The following MYO1D variants were observed in gnomAD, a reference collection of about 807,000 sequenced individuals.
The protein encoded by MYO1D is myosin ID, also known as unconventional myosin-Id.
A neutral mutation model predicts 122.0 loss-of-function variants in MYO1D; 83 were observed. That is an observed-to-expected ratio of 0.68 (90% CI 0.57 to 0.82). The LOEUF (loss-of-function observed/expected upper bound fraction) is 0.82, where lower values mean the gene tolerates loss of function less well. Ranked by LOEUF, MYO1D falls within the 40% of genes least tolerant of loss-of-function variation. The pLI is 0.00. For synonymous variants in MYO1D, 464 were observed against 446.9 expected, an observed-to-expected ratio of 1.04 and a Z score of -0.48; for missense variants, 1,157 against 1,269.5, an observed-to-expected ratio of 0.91 and a Z score of 1.35.
At chr17:32,806,915 C>G (rs2090518930) in intron 1 of MYO1D, among the ~76,000 whole-genome samples, 1 of 152,140 alleles carries the variant, frequency 6.6e-6, no homozygotes, top group African/African-American at 2.4e-5. Context: ...TCCTATTTTA[C>G]AAAACTGGCA....
intron 19 of MYO1D, among the ~76,000 whole-genome samples, chr17:32,639,601 G>A (rs1031271193): frequency 2.0e-5 from 3 of 151,990 alleles, no homozygotes; most frequent in African/African-American, 2.4e-5. Context: ...AGTGGCTCAA[G>A]CAGTGACTCA....
rs35514290 is a variant in MYO1D, at chr17:32,649,567, C to CT, written c.2595+4275dup. 4.3e-3 allele frequency among the ~76,000 whole-genome samples: 404 copies of CT among 94,012 alleles called. 4 individuals carry two copies. The highest frequency in any genetic ancestry group is 9.1e-3 in the African/African-American group (207 of 22,676). 61.7% of individuals were successfully genotyped at this position (94,012 alleles called of 152,430 possible). ...TGGCTAAACCACATTTTCTTTCTTT[C>CT]TTTTTTTTTTTTTTTTTTTTTTGAG... On this transcript the variant is annotated intron_variant, in intron 19 of 21. Coordinates refer to ENST00000318217, the MANE Select transcript of MYO1D (RefSeq NM_015194.3).
intron 19 of MYO1D, among the ~76,000 whole-genome samples, chr17:32,643,758 G>A (rs186997559): frequency 2.8e-3 from 428 of 151,966 alleles, no homozygotes; most frequent in Middle Eastern, 6.8e-3. Flanking sequence ...TGTGGGATCG[G>A]TGGTGATATC....
intron 21 of MYO1D, among the ~76,000 whole-genome samples, chr17:32,552,876 T>G (rs115312789): frequency 0.011 from 1,638 of 151,956 alleles, 21 homozygotes; most frequent in African/African-American, 0.035. Flanking sequence ...CCAAGTAAAT[T>G]AAAACCAACA....
intron 1 of MYO1D, among the ~76,000 whole-genome samples, chr17:32,807,858 C>T (rs1373955744): frequency 2.0e-5 from 3 of 152,162 alleles, no homozygotes; most frequent in Non-Finnish European, 4.4e-5. Flanking sequence ...CTAGCATAAC[C>T]TACCCTATCT....
chr17:32,704,910 A>C (rs1199207296), intron 16 of MYO1D, among the ~76,000 whole-genome samples: 1 of 152,118 alleles, frequency 6.6e-6, no homozygotes, highest in African/African-American at 2.4e-5. Context: ...ATAAAATAAC[A>C]TATTTTAAAT....
chr17:32,572,021 C>G (rs113119316), intron 21 of MYO1D, among the ~76,000 whole-genome samples: 99 of 152,252 alleles, frequency 6.5e-4, no homozygotes, highest in African/African-American at 2.3e-3. Context: ...CCACTGACTT[C>G]CTTTTACAAC....
chr17:32,677,791 A>G (rs1440922507), intron 16 of MYO1D, among the ~76,000 whole-genome samples: 1 of 152,098 alleles, frequency 6.6e-6, no homozygotes, highest in African/African-American at 2.4e-5. Context: ...TTTCAAACGA[A>G]CACAAGCATT....
chr17:32,755,727 G>A (rs2089941081), intron 10 of MYO1D, 65 bp from the exon 11 acceptor site: 38 of 1,413,950 alleles, frequency 2.7e-5, no homozygotes, highest in Non-Finnish European at 3.7e-5. Flanking sequence ...AAACCCTGAT[G>A]CTCCCATTTG....
intron 21 of MYO1D, among the ~76,000 whole-genome samples, chr17:32,582,735 T>C (rs1342402562): frequency 1.3e-5 from 2 of 152,334 alleles, no homozygotes; most frequent in South Asian, 2.1e-4. Flanking sequence ...CTATCAATTA[T>C]GGAGACAGAA....
intron 16 of MYO1D, among the ~76,000 whole-genome samples, chr17:32,689,694 G>A (rs1053149224): frequency 2.0e-5 from 3 of 151,614 alleles, no homozygotes; most frequent in Non-Finnish European, 2.9e-5. Context: ...TTAAAATATC[G>A]TCATTATTAA....
chr17:32,839,574 T>C (rs780578772), intron 1 of MYO1D, among the ~76,000 whole-genome samples: 3 of 152,172 alleles, frequency 2.0e-5, no homozygotes, highest in South Asian at 2.1e-4. Context: ...GGACAGCAAG[T>C]TGAAGGTAAG....
chr17:32,867,053 C>T (rs2091131868), intron 1 of MYO1D, among the ~76,000 whole-genome samples: 1 of 152,112 alleles, frequency 6.6e-6, no homozygotes, highest in Non-Finnish European at 1.5e-5. Flanking sequence ...GATTCCTTCT[C>T]TGTAGGAAGC....
chr17:32,835,262 A>C lies in MYO1D; in HGVS notation c.95+41516T>G, dbSNP rs1017203277. The stretch of plus-strand genomic sequence containing the variant: ...CCATTAATCCATTATTCAATACTCA[A>C]CTAAAATGTTACCCCTTCTGTGAAG... On this transcript the variant is annotated intron_variant, in intron 1 of 21. Transcript: ENST00000318217. Among the ~76,000 whole-genome samples the C allele has an allele frequency of 5.0e-4, 76 of 151,474 alleles. 1 individual carries two copies. The highest frequency in any genetic ancestry group is 4.9e-3 in the Admixed American group (75 of 15,216).
intron 1 of MYO1D, among the ~76,000 whole-genome samples, chr17:32,828,409 G>C (rs982961417): frequency 1.3e-5 from 2 of 151,262 alleles, no homozygotes; most frequent in African/African-American, 2.4e-5. Flanking sequence ...CCAGCTACTC[G>C]GGAGGCTGAG....
Position 32,817,246 on chromosome 17 carries a change from A to T in MYO1D, c.96-36462T>A, listed in dbSNP as rs555745992. Among the ~76,000 whole-genome samples, 64 of 152,322 alleles carry T rather than the reference A, an allele frequency of 4.2e-4. No homozygotes were observed. In the South Asian group the frequency reaches 0.013, roughly 31 times the overall value. ...GCCTGGCTAACAGTAATGTTACAAG[A>T]ATACATTAGCAATCTACAAATTTTA... On this transcript the variant is annotated intron_variant, in intron 1 of 21. Coordinates refer to ENST00000318217, the MANE Select transcript of MYO1D (RefSeq NM_015194.3).
At chr17:32,707,760 T>A (rs1324354251) in intron 16 of MYO1D, among the ~76,000 whole-genome samples, 2 of 152,252 alleles carry the variant, frequency 1.3e-5, no homozygotes, top group Non-Finnish European at 2.9e-5. Context: ...GTGCTGAATA[T>A]CTGATTTCCC....
rs1298048118 is a variant in MYO1D, at chr17:32,771,220, G to C, written c.619C>G (p.Leu207Val). 6.3e-7 allele frequency: 1 copy of C among 1,594,502 alleles called. No individual in the cohort carries two copies. The highest frequency in any genetic ancestry group is 8.6e-7 in the Non-Finnish European group (1 of 1,164,426). ...ATTTGTTCTGAACCTCCTTGGAGTA[G>C]CTGAAAAATATTTAATTAGAAATAA... ...GERSFHSFYQ[L>V]LQGGSEQMLR... Residue 207 changes from leucine to valine, a missense_variant and splice_region_variant, in exon 6 of 22, where the codon CTA (leucine) becomes GTA (valine). Transcript: ENST00000318217.
chr17:32,840,043 G>A (rs369241204), intron 1 of MYO1D, among the ~76,000 whole-genome samples: 2 of 152,140 alleles, frequency 1.3e-5, no homozygotes, highest in African/African-American at 4.8e-5. Flanking sequence ...CTTTTTATGT[G>A]GGCAGAGCAT....
Sources: allele counts gnomAD v4.1 joint callset (sites outside exome capture counted in the v4.1 genomes callset), GRCh38; gene constraint gnomAD v4.1.1; transcripts MANE v1.5; gene names NCBI Gene and HGNC (gene_info 2026-07-23, HGNC 2026-07-21).